Variants in SBF2 observed in about 807,000 individuals in gnomAD.
SBF2 encodes myotubularin-related protein 13.
SBF2 carries 112 observed loss-of-function variants against 225.2 expected under a neutral mutation model. The ratio of observed to expected loss-of-function variants is 0.50; its 90% CI spans 0.43 to 0.58. The LOEUF (loss-of-function observed/expected upper bound fraction) is 0.58. Among genes scored for constraint, SBF2 ranks in the 20% least tolerant of loss-of-function variants. The pLI, the probability that SBF2 is intolerant of heterozygous loss-of-function variation, is 0.00. For missense variants in SBF2, 1,996 were observed against 2,206.2 expected (o/e 0.90, Z 1.91); for synonymous variants, 763 against 773.3 (o/e 0.99, Z 0.22).
At chr11:9,886,699 G>GTGTTTTTTTT (rs1554941773) in intron 17 of SBF2, among the ~76,000 whole-genome samples, 1 of 133,740 alleles carries the variant, frequency 7.5e-6, no homozygotes, top group Admixed American at 7.6e-5. Context: ...TGATTCATGT[G>GTGTTTTTTTT]TTTTTTTTTT....
chr11:10,284,545 C>T lies in SBF2; in HGVS notation c.55+9470G>A, dbSNP rs892606079. ...ATAATTCAAATAGCATGCATTAACT[C>T]TTTTTTCCAGTTTGTAAAAGAAATT... On this transcript the variant is annotated intron_variant, in intron 1 of 39. Transcript: ENST00000256190. Among the ~76,000 whole-genome samples, 5 of 152,084 alleles carry T rather than the reference C, an allele frequency of 3.3e-5. No homozygotes were observed. The South Asian group carries it at 8.3e-4, about 25-fold the overall frequency.
chr11:10,170,381 A>C (rs1251638595), intron 2 of SBF2, among the ~76,000 whole-genome samples: 1 of 151,966 alleles, frequency 6.6e-6, no homozygotes, highest in African/African-American at 2.4e-5. Context: ...TACTGAAGAG[A>C]CTGTCTTTTC....
chr11:9,988,885 A>G (rs1947302042), intron 13 of SBF2, among the ~76,000 whole-genome samples: 1 of 152,254 alleles, frequency 6.6e-6, no homozygotes, highest in Non-Finnish European at 1.5e-5. Flanking sequence ...CATTTGATCC[A>G]GCAATCACAC....
chr11:10,275,951 T>A (rs1485098139), intron 1 of SBF2, among the ~76,000 whole-genome samples: 1 of 152,110 alleles, frequency 6.6e-6, no homozygotes. Flanking sequence ...GTTTCAACAT[T>A]TGAAAATTCT....
chr11:10,077,871 T>A (rs992274754), intron 2 of SBF2, among the ~76,000 whole-genome samples: 5 of 152,180 alleles, frequency 3.3e-5, no homozygotes, highest in African/African-American at 1.2e-4. Context: ...TAGGAGAAAA[T>A]TTCTGCAAAC....
intron 16 of SBF2, among the ~76,000 whole-genome samples, chr11:9,937,297 T>C (rs757402196): frequency 7.3e-5 from 11 of 151,620 alleles, no homozygotes; most frequent in African/African-American, 2.7e-4. Context: ...AGATAAAGTT[T>C]TGTGGGAAGC....
At chr11:10,236,150 C>G (rs79173389) in intron 1 of SBF2, among the ~76,000 whole-genome samples, 1 of 152,116 alleles carries the variant, frequency 6.6e-6, no homozygotes, top group Non-Finnish European at 1.5e-5. Flanking sequence ...CAAAGAATAT[C>G]TGAAATAACG....
At chr11:10,155,041 GCTCT>G (rs3074155) in intron 2 of SBF2, among the ~76,000 whole-genome samples, 8,116 of 152,158 alleles carry the variant, frequency 0.053, 299 homozygotes, top group Middle Eastern at 0.15. Context: ...AAAATTAAAT[GCTCT>G]CTATCTTCTG....
chr11:10,238,363 T>C (rs927739532), intron 1 of SBF2, among the ~76,000 whole-genome samples: 1 of 151,800 alleles, frequency 6.6e-6, no homozygotes, highest in Non-Finnish European at 1.5e-5. Context: ...TGAGCCATGA[T>C]TGTACCACTG....
chr11:9,875,557 T>C lies in SBF2; in HGVS notation c.1930-17161A>G, dbSNP rs952607019. Among the ~76,000 whole-genome samples, 8 of 152,162 alleles carry C rather than the reference T, an allele frequency of 5.3e-5. No homozygotes were observed. In the East Asian group the frequency reaches 1.2e-3, roughly 22 times the overall value. ...AGAAGGCTTTGGGATTAAGTTTCCA[T>C]AACAGGATAGAAAGACCAGTTGTGA... On this transcript the variant is annotated intron_variant, in intron 17 of 39. Transcript: ENST00000256190.
At chr11:10,023,685 T>A (rs1343064519) in intron 6 of SBF2, among the ~76,000 whole-genome samples, 2 of 152,212 alleles carry the variant, frequency 1.3e-5, no homozygotes, top group Admixed American at 6.5e-5. Flanking sequence ...ACCCAGGTTG[T>A]AGCACGTATC....
At chr11:10,196,316 A>G (rs1442736) in intron 1 of SBF2, among the ~76,000 whole-genome samples, 14,463 of 152,222 alleles carry the variant, frequency 0.095, 943 homozygotes, top group East Asian at 0.28. Flanking sequence ...GTTTAATCAC[A>G]TCCCTACATT....
At chr11:9,794,703 AAAAAGACC>A (rs1852999914) in intron 33 of SBF2, among the ~76,000 whole-genome samples, 1 of 146,152 alleles carries the variant, frequency 6.8e-6, no homozygotes, top group African/African-American at 2.6e-5. Context: ...AAAAAAAAAA[AAAAAGACC>A]AGGCCTGGGG....
At chr11:10,161,338 A>T (rs1443385918) in intron 2 of SBF2, among the ~76,000 whole-genome samples, 1 of 152,158 alleles carries the variant, frequency 6.6e-6, no homozygotes, top group East Asian at 1.9e-4. Flanking sequence ...GAAGCCTCAC[A>T]GTGTTTGCCA....
chr11:9,989,688 A>G, intron 12 of SBF2, 93 bp from the exon 13 acceptor site: 1 of 761,458 alleles, frequency 1.3e-6, no homozygotes, highest in Non-Finnish European at 2.2e-6. Context: ...AGCCAAAAAA[A>G]TCCAACATAT....
intron 2 of SBF2, among the ~76,000 whole-genome samples, chr11:10,096,069 T>C (rs1952007834): frequency 1.3e-5 from 2 of 152,134 alleles, no homozygotes; most frequent in South Asian, 2.1e-4. Flanking sequence ...TAAAATGCCC[T>C]AACATCTAAT....
intron 13 of SBF2, among the ~76,000 whole-genome samples, chr11:9,978,478 G>A (rs1946799377): frequency 6.6e-6 from 1 of 152,036 alleles, no homozygotes; most frequent in South Asian, 2.1e-4. Flanking sequence ...TAATTAGATT[G>A]TGAAAAAAAT....
intron 32 of SBF2, among the ~76,000 whole-genome samples, chr11:9,802,041 T>TA (rs1435694306): frequency 6.6e-6 from 1 of 152,194 alleles, no homozygotes; most frequent in Non-Finnish European, 1.5e-5. Flanking sequence ...GAAATCACAG[T>TA]AAAAAATACT....
chr11:9,992,309 C>G, intron 12 of SBF2, 106 bp downstream of exon 12: 1 of 815,952 alleles, frequency 1.2e-6, no homozygotes, highest in Non-Finnish European at 1.8e-6. Flanking sequence ...TTATTTAATA[C>G]CTAATTTATA....
Sources: allele counts gnomAD v4.1 joint callset (sites outside exome capture counted in the v4.1 genomes callset), GRCh38; gene constraint gnomAD v4.1.1; transcripts MANE v1.5; gene names NCBI Gene and HGNC (gene_info 2026-07-23, HGNC 2026-07-21).